Variants in MARK1 observed in about 807,000 individuals in gnomAD.
The protein encoded by MARK1 is serine/threonine-protein kinase MARK1.
In MARK1, 40 loss-of-function variants were observed where a neutral mutation model predicts 96.3. The ratio of observed to expected loss-of-function variants is 0.42; its 90% CI spans 0.32 to 0.54. The LOEUF is 0.54. Among genes scored for constraint, MARK1 ranks in the 20% least tolerant of loss-of-function variants. The pLI is 0.16. For synonymous variants in MARK1, 317 were observed against 341.2 expected, an observed-to-expected ratio of 0.93 and a Z score of 0.78; for missense variants, 719 against 984.6, an observed-to-expected ratio of 0.73 and a Z score of 3.61.
intron 17 of MARK1, among the ~76,000 whole-genome samples, chr1:220,659,001 A>G (rs12082031): frequency 0.062 from 9,447 of 152,178 alleles, 1,032 homozygotes; most frequent in African/African-American, 0.21. Context: ...TATTTCCACT[A>G]AATTTCCCTC....
In MARK1 at chr1:220,598,315, C is replaced by T. The variant is rs17584607; in HGVS notation, c.310-16C>T. On this transcript the variant is annotated splice_polypyrimidine_tract_variant and intron_variant, in intron 3 of 17. Coordinates refer to ENST00000366917, the MANE Select transcript of MARK1 (RefSeq NM_018650.5). ...TTTTTTTTAACAGAAATATATCTAC[C>T]TGTTTTCTTTAACAGTTATTTCGAG... 0.015 allele frequency: 9,324 copies of T among 621,688 alleles called. 113 individuals carry two copies. The highest frequency in any genetic ancestry group is 0.018 in the Non-Finnish European group (6,555 of 356,934). 38.5% of individuals were successfully genotyped at this position (621,688 alleles called of 1,614,324 possible).
intron 1 of MARK1, among the ~76,000 whole-genome samples, chr1:220,543,991 T>C (rs1262159817): frequency 2.0e-5 from 3 of 152,242 alleles, no homozygotes; most frequent in African/African-American, 7.2e-5. Flanking sequence ...TTGATGGCTA[T>C]ATTTTAGAAA....
At chr1:220,569,398 C>CT (rs549748161) in intron 1 of MARK1, among the ~76,000 whole-genome samples, 1 of 151,842 alleles carries the variant, frequency 6.6e-6, no homozygotes, top group African/African-American at 2.4e-5. Context: ...ATTTATTAAA[C>CT]TTTTTTTTAG....
Position 220,574,277 on chromosome 1 carries a change from C to A in MARK1, c.52-5077C>A, listed in dbSNP as rs574403509. Among the ~76,000 whole-genome samples, 9 of 152,336 alleles carry A rather than the reference C, an allele frequency of 5.9e-5. No individual in the cohort carries two copies. In the South Asian group the frequency reaches 8.3e-4, roughly 14 times the overall value. On this transcript the variant is annotated intron_variant, in intron 1 of 17. Transcript: ENST00000366917. The stretch of plus-strand genomic sequence containing the variant: ...GTTGTGGTGGCCAACAGGCCAAATA[C>A]CTACTTTATTATCTTACACTTCTAA...
chr1:220,626,297 A>G (rs1353719590), intron 9 of MARK1: 1 of 541,782 alleles, frequency 1.8e-6, no homozygotes, highest in Non-Finnish European at 3.7e-6. Flanking sequence ...GAGGCCTTCT[A>G]TACCACAGAC....
rs1665006927 is a variant in MARK1, at chr1:220,591,883, A to G, written c.310-6448A>G. Among the ~76,000 whole-genome samples the G allele has an allele frequency of 2.6e-5, 4 of 152,024 alleles. No homozygotes were observed. The South Asian group carries it at 8.3e-4, about 31-fold the overall frequency. ...TTGTTTTAATTAATGAGAGAATTGAATGACACTCGGGCAGCAATCAGAGCA... is the reference window on the plus strand; with the variant it reads ...TTGTTTTAATTAATGAGAGAATTGAGTGACACTCGGGCAGCAATCAGAGCA... On this transcript the variant is annotated intron_variant, in intron 3 of 17. Transcript: ENST00000366917.
At chr1:220,641,604 T>C (rs981587578) in intron 13 of MARK1, among the ~76,000 whole-genome samples, 2 of 151,330 alleles carry the variant, frequency 1.3e-5, no homozygotes, top group African/African-American at 4.9e-5. Context: ...TTTTACAAAA[T>C]AAAGGGAAGA....
chr1:220,618,807 AGGAACC>A lies in MARK1; in HGVS notation c.909+54_909+59del, dbSNP rs774074233. ...TAAATTTTAACAATTAAAATATTCC[AGGAACC>A]GAAGAGCATTTTTCTCCTATGTTTT... On this transcript the variant is annotated intron_variant, in intron 9 of 17. Coordinates refer to ENST00000366917, the MANE Select transcript of MARK1 (RefSeq NM_018650.5). This position sits in a 1 kb window ranked among gnomAD's most constrained non-coding sequence, Gnocchi z 4.6. 9 of 1,458,980 alleles carry A rather than the reference AGGAACC, an allele frequency of 6.2e-6. No homozygotes were observed. In the African/African-American group the frequency reaches 1.3e-4, roughly 21 times the overall value. 90.4% of individuals were successfully genotyped at this position (1,458,980 alleles called of 1,614,324 possible). A position where few individuals can be genotyped will look rare whatever the true frequency, so the allele number is the denominator to read the frequency against.
rs1197073579 is a variant in MARK1 at position 220,539,017 on chromosome 1, C to T, written c.51+10144C>T. ...TATACAATCATGTCATCTGCAAACACGGACAATTTGACTTCCTCTTTTCCT... is the reference window on the plus strand; with the variant it reads ...TATACAATCATGTCATCTGCAAACATGGACAATTTGACTTCCTCTTTTCCT... On this transcript the variant is annotated intron_variant, in intron 1 of 17. Coordinates refer to ENST00000366917, the MANE Select transcript of MARK1 (RefSeq NM_018650.5). 2.2e-3 allele frequency among the ~76,000 whole-genome samples: 326 copies of T among 151,332 alleles called. 3 individuals carry two copies. Among genetic ancestry groups the T allele is most frequent in the African/African-American group, 7.2e-3 (295 of 41,188 alleles).
chr1:220,627,375 T>C, intron 9 of MARK1: 2 of 484,740 alleles, frequency 4.1e-6, no homozygotes, highest in South Asian at 3.0e-5. Flanking sequence ...AAGAGCAAAG[T>C]CACAGAAGAG....
chr1:220,638,399 C>T (rs913746202), intron 13 of MARK1, among the ~76,000 whole-genome samples: 6 of 152,138 alleles, frequency 3.9e-5, no homozygotes, highest in South Asian at 2.1e-4. Flanking sequence ...TGGACAGAAT[C>T]TTTTATGGCC....
At chr1:220,658,584 G>A (rs1669303021) in intron 17 of MARK1, among the ~76,000 whole-genome samples, 2 of 152,138 alleles carry the variant, frequency 1.3e-5, no homozygotes, top group Admixed American at 1.3e-4. Flanking sequence ...TATTTTGAGT[G>A]TACCCAAGCA....
intron 3 of MARK1, among the ~76,000 whole-genome samples, chr1:220,586,870 T>C (rs1664661469): frequency 6.6e-6 from 1 of 152,234 alleles, no homozygotes; most frequent in South Asian, 2.1e-4. Flanking sequence ...TTTGTTGATA[T>C]AATAAACTAG....
chr1:220,558,671 TAAC>T (rs1662459265), intron 1 of MARK1, among the ~76,000 whole-genome samples: 1 of 151,974 alleles, frequency 6.6e-6, no homozygotes, highest in Non-Finnish European at 1.5e-5. Context: ...TATACATATA[TAAC>T]AACATGGTCC....
chr1:220,604,441 C>G (rs538973006), intron 6 of MARK1, among the ~76,000 whole-genome samples: 3 of 151,788 alleles, frequency 2.0e-5, no homozygotes, highest in South Asian at 4.2e-4. Flanking sequence ...ATTAGTTAAC[C>G]CTTTGAAGTC....
intron 5 of MARK1, 40 bp from the exon 6 acceptor site, chr1:220,604,026 TC>T (rs1378734696): frequency 1.5e-6 from 2 of 1,317,748 alleles, no homozygotes; most frequent in Admixed American, 2.2e-5. Flanking sequence ...TAACCAAAAA[TC>T]TATGTATATT....
At chr1:220,543,736 T>C (rs1023429133) in intron 1 of MARK1, among the ~76,000 whole-genome samples, 7 of 152,206 alleles carry the variant, frequency 4.6e-5, no homozygotes, top group Admixed American at 1.3e-4. Context: ...TTTTATTTAT[T>C]TATTCTCAAA....
intron 9 of MARK1, among the ~76,000 whole-genome samples, chr1:220,620,133 CATG>C (rs1666972252): frequency 6.6e-6 from 1 of 152,094 alleles, no homozygotes; most frequent in South Asian, 2.1e-4. Flanking sequence ...AGTCAATTAT[CATG>C]ATTTTTTTAC....
chr1:220,661,088 T>G (rs1669453580), intron 17 of MARK1, among the ~76,000 whole-genome samples: 1 of 152,140 alleles, frequency 6.6e-6, no homozygotes, highest in Non-Finnish European at 1.5e-5. Flanking sequence ...GAGGGAACAG[T>G]CTGTGCAACA....
Sources: gnomAD v4.1 joint callset for allele counts (sites outside exome capture counted in the v4.1 genomes callset) on GRCh38, gnomAD v4.1.1 for gene constraint, Gnocchi (gnomAD v3.1) non-coding constraint, MANE v1.5 for transcripts, NCBI Gene and HGNC (gene_info 2026-07-23, HGNC 2026-07-21) for gene names.